CAMSAP3: variants seen among roughly 807,000 people sequenced by gnomAD.
The protein encoded by CAMSAP3 is calmodulin-regulated spectrin-associated protein 3.
CAMSAP3 carries 34 observed loss-of-function variants against 112.5 expected under a neutral mutation model. That is an observed-to-expected ratio of 0.30 (90% CI 0.23 to 0.40). The LOEUF (loss-of-function observed/expected upper bound fraction) is 0.40. Among genes scored for constraint, CAMSAP3 ranks in the 10% least tolerant of loss-of-function variants. The probability of loss-of-function intolerance (pLI) is 1.00; values close to 1 mark genes in which losing one functional copy is unlikely to be tolerated. For missense variants in CAMSAP3, 1,602 were observed against 1,770.3 expected, an observed-to-expected ratio of 0.90 and a Z score of 1.71; for synonymous variants, 868 against 799.8, an observed-to-expected ratio of 1.09 and a Z score of -1.44.
Position 7,612,719 on chromosome 19 carries a change from G to C in CAMSAP3, c.2226G>C (p.Ala742=). Residue 742 remains alanine, a synonymous_variant, in exon 11 of 17, where the codon GCG becomes GCC. Coordinates refer to ENST00000160298, the MANE Select transcript of CAMSAP3 (RefSeq NM_020902.2). ...CCGGATCCGCCCCACCACCTGCTGC[G>C]TGGGTCATCCCTGGCCCCACGACGG... ...EAPGSAPPPA[A]WVIPGPTTGP... The C allele has an allele frequency of 6.5e-7, 1 of 1,529,552 alleles. No homozygotes were observed. The highest frequency in any genetic ancestry group is 8.7e-7 in the Non-Finnish European group (1 of 1,143,138). The allele number at this position is 1,529,552 out of a possible 1,614,324, so 94.7% of individuals were successfully genotyped here. A position where few individuals can be genotyped will look rare whatever the true frequency, so the allele number is the denominator to read the frequency against.
At chr19:7,616,951 T>G (rs564452400) in intron 14 of CAMSAP3, among the ~76,000 whole-genome samples, 1,541 of 137,238 alleles carry the variant, frequency 0.011, 48 homozygotes, top group African/African-American at 0.04. Flanking sequence ...TTTTTTTTTT[T>G]TTTTTTTGTT....
chr19:7,607,807 T>C lies in CAMSAP3; in HGVS notation c.622-319T>C. The C allele has an allele frequency of 3.2e-6, 4 of 1,264,428 alleles. No individual in the cohort carries two copies. Among genetic ancestry groups the C allele is most frequent in the Non-Finnish European group, 4.3e-6 (4 of 926,134 alleles). 78.3% of individuals were successfully genotyped at this position (1,264,428 alleles called of 1,614,324 possible). On this transcript the variant is annotated intron_variant, in intron 4 of 16. Coordinates refer to ENST00000160298, the MANE Select transcript of CAMSAP3 (RefSeq NM_020902.2). This position sits in a 1 kb window ranked among gnomAD's most constrained non-coding sequence, Gnocchi z 4.9. The stretch of plus-strand genomic sequence containing the variant: ...ACCCCTCCCCCTTGCTGATGGCTGC[T>C]CCTCTCCCCCCAGCACGCAATTGCC...
At chr19:7,604,468 G>A (rs2030105410) in intron 1 of CAMSAP3, among the ~76,000 whole-genome samples, 1 of 151,952 alleles carries the variant, frequency 6.6e-6, no homozygotes, top group Non-Finnish European at 1.5e-5. Context: ...CTGCACCCAA[G>A]CTCAGTCATT....
Position 7,612,468 on chromosome 19 carries a change from G to C in CAMSAP3, c.1975G>C (p.Gly659Arg), listed in dbSNP as rs138441786. 6.4e-3 allele frequency: 10,094 copies of C among 1,570,910 alleles called. 36 individuals carry two copies. The highest frequency in any genetic ancestry group is 8.1e-3 in the Non-Finnish European group (9,349 of 1,160,774). ...AEAEAEEADSGPVPGGERPAG... is the reference protein window; with the variant it reads ...AEAEAEEADSRPVPGGERPAG... The stretch of plus-strand genomic sequence containing the variant: ...AGCAGAGGCGGAGGAGGCCGATTCC[G>C]GTCCAGTCCCTGGTGGGGAGCGGCC... Residue 659 changes from glycine to arginine, a missense_variant, in exon 11 of 17, where the codon GGT becomes CGT. By Grantham distance (125) the Gly-to-Arg change is moderately radical. This residue lies in a region of CAMSAP3 where 1,100 missense variants were observed against 1,135.7 expected (regional missense o/e 0.97). Coordinates refer to ENST00000160298, the MANE Select transcript of CAMSAP3 (RefSeq NM_020902.2).
chr19:7,599,222 C>T (rs2029862825), intron 1 of CAMSAP3, among the ~76,000 whole-genome samples: 1 of 151,676 alleles, frequency 6.6e-6, no homozygotes, highest in African/African-American at 2.4e-5. Flanking sequence ...CTCATCCATC[C>T]ATCCACCCAC....
intron 1 of CAMSAP3, among the ~76,000 whole-genome samples, chr19:7,596,513 C>T (rs2024446271): frequency 6.7e-6 from 1 of 148,530 alleles, no homozygotes; most frequent in Non-Finnish European, 1.5e-5. Context: ...CCTTCCCTTG[C>T]ACGCCTTCTT....
chr19:7,611,644 C>G lies in CAMSAP3; in HGVS notation c.1194-43C>G, dbSNP rs370432235. 3 of 1,582,700 alleles carry G rather than the reference C, an allele frequency of 1.9e-6. No homozygotes were observed. Among genetic ancestry groups the G allele is most frequent in the South Asian group, 1.1e-5 (1 of 88,302 alleles). On this transcript the variant is annotated intron_variant, in intron 10 of 16. Coordinates refer to ENST00000160298, the MANE Select transcript of CAMSAP3 (RefSeq NM_020902.2). The surrounding 1 kb of genome is among the most constrained non-coding windows in gnomAD (Gnocchi z 6.9). ...GGAGCAGGCTAGGGCGGGTTGGGGC[C>G]GAGGCTGGTCCCAGGGGCTGACCCC...
At position 7,612,063 on chromosome 19, in the gene CAMSAP3, G is replaced by C; in HGVS notation, c.1570G>C (p.Glu524Gln). The C allele has an allele frequency of 6.2e-7, 1 of 1,610,294 alleles. No homozygotes were observed. The highest frequency in any genetic ancestry group is 8.5e-7 in the Non-Finnish European group (1 of 1,177,738). The change falls in exon 11 of 17, where the codon GAG (glutamate) becomes CAG (glutamine). Residue 524 changes from glutamate (E) to glutamine (Q), a missense_variant. Physicochemically the swap from Glu to Gln is conservative, Grantham distance 29. Around this residue, in one of 6 missense-constraint regions of CAMSAP3, gnomAD observed 1,100 missense variants for 1,135.7 expected, o/e 0.97. Coordinates refer to ENST00000160298, the MANE Select transcript of CAMSAP3 (RefSeq NM_020902.2). ...AGCACCAGTGTACATGCCACACCCC[G>C]AGACCCCCTCGAAACCATCTCCCTG... ...TKAPVYMPHP[E>Q]TPSKPSPCLV...
At position 7,611,840 on chromosome 19, in the gene CAMSAP3, AC is replaced by A; in HGVS notation, c.1352del (p.Pro451ArgfsTer112). ...PAPARTPTQP[P>X]PEPGDLPTIE... ...CGCCGGCCAGGACCCCCACCCAGCC[AC>A]CCCCGGAGCCTGGTGACCTGCCCAC... On this transcript the variant is annotated frameshift_variant, in exon 11 of 17. Transcript: ENST00000160298. LOFTEE classifies it high-confidence loss of function. The surrounding 1 kb of genome is among the most constrained non-coding windows in gnomAD (Gnocchi z 6.9). 3.2e-6 allele frequency: 5 copies of A among 1,575,410 alleles called. No homozygotes were observed. The highest frequency in any genetic ancestry group is 1.4e-5 in the African/African-American group (1 of 74,012).
At chr19:7,606,664 G>A in intron 4 of CAMSAP3, 93 bp downstream of exon 4, 1 of 1,549,448 alleles carries the variant, frequency 6.5e-7, no homozygotes, top group Admixed American at 1.8e-5. Flanking sequence ...AAGTGGGGAG[G>A]GGGCTAGAGG....
intron 14 of CAMSAP3, among the ~76,000 whole-genome samples, chr19:7,616,945 T>TTTTTTTG (rs2030830263): frequency 2.3e-5 from 3 of 131,668 alleles, no homozygotes; most frequent in African/African-American, 8.5e-5. Context: ...TTTTTTTTTT[T>TTTTTTTG]TTTTTTTTTT....
rs1185354098 is a variant in CAMSAP3, at chr19:7,595,922, C to T, written c.-81C>T. 4 of 679,754 alleles carry T rather than the reference C, an allele frequency of 5.9e-6. No homozygotes were observed. Among genetic ancestry groups the T allele is most frequent in the African/African-American group, 2.0e-5 (1 of 50,636 alleles). 42.1% of individuals were successfully genotyped at this position (679,754 alleles called of 1,614,324 possible). A position where few individuals can be genotyped will look rare whatever the true frequency, so the allele number is the denominator to read the frequency against. ...CGGCAGCGGCGGTAGCAGCAGCGGG[C>T]CCGGCTGGGGCGCGAGCGCGGCGCA... On this transcript the variant is annotated 5_prime_UTR_variant, in exon 1 of 17. Transcript: ENST00000160298.
At chr19:7,606,214 G>A in intron 2 of CAMSAP3, 57 bp from the exon 3 acceptor site, 1 of 1,602,226 alleles carries the variant, frequency 6.2e-7, no homozygotes, top group South Asian at 1.1e-5. Flanking sequence ...GCCCTTGGGG[G>A]CCGAGGTGCG....
At chr19:7,606,156 A>AACCC (rs2030206864) in intron 2 of CAMSAP3, 115 bp from the exon 3 acceptor site, 20 of 227,808 alleles carry the variant, frequency 8.8e-5, no homozygotes, top group East Asian at 3.4e-4. Flanking sequence ...CTCAAGCCCC[A>AACCC]CCCCCCCCGT....
chr19:7,615,081 C>T lies in CAMSAP3; in HGVS notation c.2671-102C>T. The T allele has an allele frequency of 7.0e-7, 1 of 1,420,666 alleles. No individual in the cohort carries two copies. The highest frequency in any genetic ancestry group is 9.7e-7 in the Non-Finnish European group (1 of 1,031,656). 88.0% of individuals were successfully genotyped at this position (1,420,666 alleles called of 1,614,324 possible). A position where few individuals can be genotyped will look rare whatever the true frequency, so the allele number is the denominator to read the frequency against. Reference sequence around the variant, plus strand: ...AGTGCATTTAGAACAATGATGAAAACAAAAGCACAGGTGGGTGGCGGGCAG... The same window carrying T: ...AGTGCATTTAGAACAATGATGAAAATAAAAGCACAGGTGGGTGGCGGGCAG... On this transcript the variant is annotated intron_variant, in intron 11 of 16. Coordinates refer to ENST00000160298, the MANE Select transcript of CAMSAP3 (RefSeq NM_020902.2). This position sits in a 1 kb window ranked among gnomAD's most constrained non-coding sequence, Gnocchi z 6.5.
chr19:7,614,383 G>C (rs1310535811), intron 11 of CAMSAP3, among the ~76,000 whole-genome samples: 1 of 136,818 alleles, frequency 7.3e-6, no homozygotes, highest in Non-Finnish European at 1.5e-5. Flanking sequence ...GTCTCGCTCT[G>C]TGGCCCAGGC....
chr19:7,596,672 C>T (rs1211954015), intron 1 of CAMSAP3, among the ~76,000 whole-genome samples: 1 of 152,016 alleles, frequency 6.6e-6, no homozygotes, highest in East Asian at 1.9e-4. Context: ...CAACACACAC[C>T]CCGCGTCGGC....
intron 1 of CAMSAP3, among the ~76,000 whole-genome samples, chr19:7,600,819 CATCT>C (rs1432345007): frequency 1.7e-5 from 2 of 116,020 alleles, no homozygotes; most frequent in African/African-American, 3.5e-5. Context: ...TCTACCCATC[CATCT>C]ATCTGTCCAT....
intron 1 of CAMSAP3, among the ~76,000 whole-genome samples, 195 bp from the exon 2 acceptor site, chr19:7,605,031 C>CCATCA (rs2030132739): frequency 6.6e-6 from 1 of 152,190 alleles, no homozygotes; most frequent in Non-Finnish European, 1.5e-5. Flanking sequence ...GCCTACAACG[C>CCATCA]CATCACCCCT....
Sources: gnomAD v4.1 joint callset for allele counts (sites outside exome capture counted in the v4.1 genomes callset) on GRCh38, gnomAD v4.1.1 for gene constraint, gnomAD v4.1.1 regional missense constraint, Gnocchi (gnomAD v3.1) non-coding constraint, MANE v1.5 for transcripts, NCBI Gene and HGNC (gene_info 2026-07-23, HGNC 2026-07-21) for gene names.